The following LDAF1 variants were observed in gnomAD, a reference collection of about 807,000 sequenced individuals.
The protein encoded by LDAF1 is PROMETHIN.
LDAF1 carries 7 observed loss-of-function variants against 13.5 expected under a neutral mutation model. The ratio of observed to expected loss-of-function variants is 0.52; its 90% confidence interval spans 0.29 to 0.97. LDAF1 has a LOEUF of 0.97. LDAF1 is among the 50% of genes least tolerant of loss of function. The pLI is 0.07. For missense variants in LDAF1, 148 were observed against 193.2 expected (o/e 0.77, Z 1.39); for synonymous variants, 69 against 77.1 (o/e 0.89, Z 0.55).
At position 21,161,083 on chromosome 16, in the gene LDAF1, A is replaced by G. The variant is rs1013091985; in HGVS notation, c.-98-2A>G. The G allele has an allele frequency of 2.6e-6, 4 of 1,529,034 alleles. No homozygotes were observed. Among genetic ancestry groups the G allele is most frequent in the Non-Finnish European group, 8.7e-7 (1 of 1,143,914 alleles). The allele number at this position is 1,529,034 out of a possible 1,614,324, so 94.7% of individuals were successfully genotyped here. ...AACGGCTTTTGTTTCCTCTGGTAACAGCAAGAGACAGAGCGACATGAGAGA... is the reference window on the plus strand; with the variant it reads ...AACGGCTTTTGTTTCCTCTGGTAACGGCAAGAGACAGAGCGACATGAGAGA... On this transcript the variant is annotated splice_acceptor_variant, in intron 1 of 4. Coordinates refer to ENST00000233047, the MANE Select transcript of LDAF1 (RefSeq NM_001301771.2). LOFTEE classifies it low-confidence loss of function (5UTR_SPLICE).
intron 2 of LDAF1, among the ~76,000 whole-genome samples, chr16:21,166,460 G>A (rs571820314): frequency 1.3e-5 from 2 of 152,130 alleles, no homozygotes; most frequent in South Asian, 2.1e-4. Flanking sequence ...AAATTAAATT[G>A]GAAATCCAGG....
At chr16:21,179,111 G>A (rs932469013) in intron 4 of LDAF1, among the ~76,000 whole-genome samples, 1 of 152,202 alleles carries the variant, frequency 6.6e-6, no homozygotes, top group African/African-American at 2.4e-5. Context: ...TCAGCTGTGT[G>A]GTCTTGAACG....
At chr16:21,174,226 G>C in intron 4 of LDAF1, 78 bp downstream of exon 4, 1 of 1,378,868 alleles carries the variant, frequency 7.3e-7, no homozygotes, top group Non-Finnish European at 9.8e-7. Flanking sequence ...GCCTCACTCT[G>C]TCACTCAGGC....
intron 3 of LDAF1, among the ~76,000 whole-genome samples, chr16:21,171,045 C>A (rs749926415): frequency 6.6e-6 from 1 of 152,146 alleles, no homozygotes; most frequent in South Asian, 2.1e-4. Flanking sequence ...ATACACAATA[C>A]ATGTCACAGA....
At chr16:21,178,066 A>T in intron 4 of LDAF1, 4 of 402,962 alleles carry the variant, frequency 9.9e-6, no homozygotes, top group Non-Finnish European at 1.3e-5. Context: ...TACAGCTTAA[A>T]TTTTTAAAAA....
At chr16:21,159,067 A>G (rs1194030313) in intron 1 of LDAF1, among the ~76,000 whole-genome samples, 1 of 150,086 alleles carries the variant, frequency 6.7e-6, no homozygotes, top group Non-Finnish European at 1.5e-5. Flanking sequence ...GCACCACCAC[A>G]CCCCGAGACT....
intron 4 of LDAF1, among the ~76,000 whole-genome samples, chr16:21,175,318 A>G (rs1421278020): frequency 6.6e-6 from 1 of 152,184 alleles, no homozygotes; most frequent in Non-Finnish European, 1.5e-5. Context: ...CCTTTCTATT[A>G]TAAGGAAAAT....
rs986718988 is a variant in LDAF1 at position 21,179,763 on chromosome 16, A to G, written c.*207A>G. On this transcript the variant is annotated 3_prime_UTR_variant, in exon 5 of 5. Coordinates refer to ENST00000233047, the MANE Select transcript of LDAF1 (RefSeq NM_001301771.2). ...GTTCCCATGTAAAGAAGCAGCAGAG[A>G]AATGCGATGGTTCAACAGCTCGCCC... The G allele has an allele frequency of 2.6e-5, 14 of 533,868 alleles. No homozygotes were observed. Among genetic ancestry groups the G allele is most frequent in the Admixed American group, 9.9e-5 (3 of 30,310 alleles). 33.1% of individuals were successfully genotyped at this position (533,868 alleles called of 1,614,324 possible). A position where few individuals can be genotyped will look rare whatever the true frequency, so the allele number is the denominator to read the frequency against.
chr16:21,166,955 C>A, intron 2 of LDAF1: 1 of 1,515,680 alleles, frequency 6.6e-7, no homozygotes, highest in Non-Finnish European at 8.9e-7. Flanking sequence ...AGCGGAATAG[C>A]AAGCTCTTTG....
rs762192038 is a variant in LDAF1, at chr16:21,179,603, A to C, written c.*47A>C. Reference sequence around the variant, plus strand: ...TTCTTTTCAAGTACTGCTGGATCATACTCACCCCTTGGGATTATGGCTTAG... The same window carrying C: ...TTCTTTTCAAGTACTGCTGGATCATCCTCACCCCTTGGGATTATGGCTTAG... On this transcript the variant is annotated 3_prime_UTR_variant, in exon 5 of 5. Transcript: ENST00000233047. 6 of 1,547,410 alleles carry C rather than the reference A, an allele frequency of 3.9e-6. No individual in the cohort carries two copies. The highest frequency in any genetic ancestry group is 5.3e-6 in the Non-Finnish European group (6 of 1,124,456).
At chr16:21,170,391 G>A (rs1252677237) in intron 2 of LDAF1, 46 bp from the exon 3 acceptor site, 1 of 1,609,378 alleles carries the variant, frequency 6.2e-7, no homozygotes, top group Non-Finnish European at 8.5e-7. Flanking sequence ...TCAACCTGGG[G>A]TTCCGATGTG....
intron 3 of LDAF1, chr16:21,172,730 C>T (rs146032903): frequency 8.1e-6 from 4 of 495,560 alleles, no homozygotes; most frequent in South Asian, 1.8e-4. Context: ...GAATTTTTCA[C>T]GAGCTTCCTT....
At chr16:21,173,815 A>G (rs371182672) in intron 3 of LDAF1, among the ~76,000 whole-genome samples, 195 bp from the exon 4 acceptor site, 1 of 152,162 alleles carries the variant, frequency 6.6e-6, no homozygotes, top group South Asian at 2.1e-4. Flanking sequence ...AGTTGTTGCC[A>G]TGGTTTGATG....
intron 2 of LDAF1, among the ~76,000 whole-genome samples, chr16:21,169,915 CTT>C (rs11439771): frequency 2.8e-5 from 4 of 140,894 alleles, no homozygotes; most frequent in Admixed American, 7.1e-5. Flanking sequence ...GTTGTAGTGA[CTT>C]TTTTTTTTTT....
chr16:21,172,128 C>A (rs1374284329), intron 3 of LDAF1, among the ~76,000 whole-genome samples: 1 of 149,584 alleles, frequency 6.7e-6, no homozygotes, highest in Non-Finnish European at 1.5e-5. Flanking sequence ...GGCAACATAG[C>A]GAGATTCCCT....
At chr16:21,167,698 T>TTTTTTTTTTTTTG (rs1400381134) in intron 2 of LDAF1, among the ~76,000 whole-genome samples, 1 of 137,420 alleles carries the variant, frequency 7.3e-6, no homozygotes, top group African/African-American at 2.7e-5. Flanking sequence ...TTAGGTTTGT[T>TTTTTTTTTTTTTG]TTTTTTTTTT....
At position 21,179,542 on chromosome 16, in the gene LDAF1, CT is replaced by C; in HGVS notation, c.475del (p.Tyr159ThrfsTer5). On this transcript the variant is annotated frameshift_variant, in exon 5 of 5. Transcript: ENST00000233047. LOFTEE classifies it high-confidence loss of function. ...PAMKSAEFEG[L>X]YQE is the part of the protein sequence containing the mutation. ...CATGAAGTCTGCAGAATTCGAGGGG[CT>C]TTACCAGGAATGAGTGACTGCTCAG... is the stretch of plus-strand genomic sequence containing the variant. 6.2e-7 allele frequency: 1 copy of C among 1,613,992 alleles called. No individual in the cohort carries two copies. Among genetic ancestry groups the C allele is most frequent in the South Asian group, 1.1e-5 (1 of 91,080 alleles).
At chr16:21,163,221 TA>T (rs1597531477) in intron 2 of LDAF1, among the ~76,000 whole-genome samples, 2 of 152,164 alleles carry the variant, frequency 1.3e-5, no homozygotes, top group East Asian at 3.8e-4. Flanking sequence ...TGGCACTAAA[TA>T]GACCACAGTG....
At chr16:21,159,552 G>T (rs977897491) in intron 1 of LDAF1, 2 of 1,053,506 alleles carry the variant, frequency 1.9e-6, no homozygotes, top group South Asian at 1.4e-5. Context: ...AGCCTTGGAA[G>T]GGGAAAGGGT....
Sources: allele counts gnomAD v4.1 joint callset (sites outside exome capture counted in the v4.1 genomes callset), GRCh38; gene constraint gnomAD v4.1.1; transcripts MANE v1.5; gene names NCBI Gene and HGNC (gene_info 2026-07-23, HGNC 2026-07-21).